MTF2: variants seen among roughly 807,000 people sequenced by gnomAD.
MTF2 encodes the protein metal-response element-binding transcription factor 2.
In MTF2, 11 loss-of-function variants were observed where a neutral mutation model predicts 79.5. The ratio of observed to expected loss-of-function variants is 0.14; its 90% CI spans 0.09 to 0.23. The LOEUF (loss-of-function observed/expected upper bound fraction) is 0.23, where lower values mean the gene tolerates loss of function less well. Among genes scored for constraint, MTF2 ranks in the 10% least tolerant of loss-of-function variants. The pLI, the probability that MTF2 is intolerant of heterozygous loss-of-function variation, is 1.00. For missense variants in MTF2, 486 were observed against 711.2 expected, an observed-to-expected ratio of 0.68 and a Z score of 3.60; for synonymous variants, 208 against 232.8, an observed-to-expected ratio of 0.89 and a Z score of 0.97.
Position 93,119,327 on chromosome 1 carries a change from T to C in MTF2, c.729-6T>C, listed in dbSNP as rs79948091. Reference sequence around the variant, plus strand: ...TAAAACTTTTTCTTTTTTTTTTTTTTCTTAGATTTTATACGTTTATATGCT... The same window carrying C: ...TAAAACTTTTTCTTTTTTTTTTTTTCCTTAGATTTTATACGTTTATATGCT... On this transcript the variant is annotated splice_region_variant and splice_polypyrimidine_tract_variant and intron_variant, in intron 7 of 14. Coordinates refer to ENST00000370298, the MANE Select transcript of MTF2 (RefSeq NM_007358.4). 19 of 1,562,778 alleles carry C rather than the reference T, an allele frequency of 1.2e-5. No individual in the cohort carries two copies. The South Asian group carries it at 1.3e-4, about 11-fold the overall frequency.
At chr1:93,100,458 C>T (rs1655483147) in intron 1 of MTF2, among the ~76,000 whole-genome samples, 1 of 152,156 alleles carries the variant, frequency 6.6e-6, no homozygotes, top group Non-Finnish European at 1.5e-5. Context: ...GCACCTGCCA[C>T]CATGCCTGGC....
intron 1 of MTF2, among the ~76,000 whole-genome samples, chr1:93,102,961 C>G (rs185706627): frequency 6.6e-6 from 1 of 151,922 alleles, no homozygotes; most frequent in Non-Finnish European, 1.5e-5. Flanking sequence ...GAAACCCTGT[C>G]TTTGCAAAAA....
At chr1:93,116,177 C>T (rs1335992870) in intron 6 of MTF2, among the ~76,000 whole-genome samples, 5 of 152,148 alleles carry the variant, frequency 3.3e-5, no homozygotes, top group Non-Finnish European at 5.9e-5. Context: ...CCTGTCTCAG[C>T]CTCCGAAGTA....
At position 93,136,683 on chromosome 1, in the gene MTF2, A is replaced by G. The variant is rs1647414539; in HGVS notation, c.1438A>G (p.Arg480Gly). The part of the protein sequence containing the change: ...ISRHYGLSDS[R>G]KRTRTGRSWP... ...TCTGTTACATAGATTATCTGACTCC[A>G]GAAAAAGAACGCGTACAGGAAGATC... The change falls in exon 15 of 15, where the codon AGA becomes GGA. Residue 480 changes from arginine (R) to glycine (G), a missense_variant. Physicochemically the swap from Arg to Gly is moderately radical, Grantham distance 125. Around this residue, in one of 4 missense-constraint regions of MTF2, gnomAD observed 209 missense variants for 206.5 expected, o/e 1.01. Transcript: ENST00000370298. 4 of 1,612,646 alleles carry G rather than the reference A, an allele frequency of 2.5e-6. No homozygotes were observed. In the Admixed American group the frequency reaches 5.0e-5, roughly 20 times the overall value.
In MTF2 at chr1:93,136,984, A is replaced by G. The variant is rs745998380; in HGVS notation, c.1739A>G (p.Lys580Arg). 1.9e-6 allele frequency: 3 copies of G among 1,614,136 alleles called. No homozygotes were observed. Among genetic ancestry groups the G allele is most frequent in the Non-Finnish European group, 2.5e-6 (3 of 1,180,000 alleles). ...GCACGTCGGGTGACACTTGATGGAAAGGTGCAGTATCTTGTGGAATGGGAA... is the reference window on the plus strand; with the variant it reads ...GCACGTCGGGTGACACTTGATGGAAGGGTGCAGTATCTTGTGGAATGGGAA... ...VLARRVTLDG[K>R]VQYLVEWEGA... Residue 580 changes from lysine (K) to arginine (R), a missense_variant, in exon 15 of 15, where the codon AAG (lysine) becomes AGG (arginine). Lys to Arg is a conservative substitution (Grantham distance 26). This residue lies in a region of MTF2 where 25 missense variants were observed against 56.8 expected (regional missense o/e 0.44). Coordinates refer to ENST00000370298, the MANE Select transcript of MTF2 (RefSeq NM_007358.4).
chr1:93,123,204 C>T (rs192164447), intron 9 of MTF2, among the ~76,000 whole-genome samples: 109 of 143,472 alleles, frequency 7.6e-4, no homozygotes, highest in Middle Eastern at 3.8e-3. Context: ...TGAACATCAG[C>T]TCTTTCTTTT....
intron 3 of MTF2, among the ~76,000 whole-genome samples, chr1:93,111,670 G>C (rs1656034345): frequency 6.6e-6 from 1 of 152,020 alleles, no homozygotes; most frequent in African/African-American, 2.4e-5. Flanking sequence ...TATGGTTCCT[G>C]GACTGATAAG....
chr1:93,116,197 A>G (rs1656242441), intron 6 of MTF2, among the ~76,000 whole-genome samples: 1 of 152,024 alleles, frequency 6.6e-6, no homozygotes, highest in Admixed American at 6.6e-5. Flanking sequence ...AGCTAGGACC[A>G]CAGACACGTG....
intron 6 of MTF2, among the ~76,000 whole-genome samples, chr1:93,116,881 G>A (rs1343700420): frequency 1.3e-5 from 2 of 152,098 alleles, no homozygotes; most frequent in African/African-American, 4.8e-5. Context: ...GAGAGGGATG[G>A]GGACTGGCTG....
chr1:93,088,312 G>A (rs979784618), intron 1 of MTF2, among the ~76,000 whole-genome samples: 1 of 151,988 alleles, frequency 6.6e-6, no homozygotes, highest in African/African-American at 2.4e-5. Context: ...GTATATTAGT[G>A]GCCTTGTTGG....
At chr1:93,105,491 T>C (rs2101049128) in intron 1 of MTF2, among the ~76,000 whole-genome samples, 1 of 152,294 alleles carries the variant, frequency 6.6e-6, no homozygotes, top group South Asian at 2.1e-4. Flanking sequence ...TTATAATCTG[T>C]TTTGCAGTTG....
chr1:93,098,676 A>G (rs1451873134), intron 1 of MTF2, among the ~76,000 whole-genome samples: 1 of 152,222 alleles, frequency 6.6e-6, no homozygotes, highest in Non-Finnish European at 1.5e-5. Flanking sequence ...TTAGGAGACA[A>G]ATGTATATAT....
intron 3 of MTF2, among the ~76,000 whole-genome samples, chr1:93,111,757 A>AT (rs2101059149): frequency 6.6e-6 from 1 of 152,258 alleles, no homozygotes; most frequent in East Asian, 1.9e-4. Flanking sequence ...ATTTAAAGGG[A>AT]TAGGAGATCT....
intron 14 of MTF2, among the ~76,000 whole-genome samples, chr1:93,136,263 T>A (rs1647390118): frequency 6.6e-6 from 1 of 152,212 alleles, no homozygotes; most frequent in Admixed American, 6.5e-5. Context: ...TTTAAGGACA[T>A]GGAGCAGTGT....
At chr1:93,125,262 G>T (rs534320883) in intron 9 of MTF2, among the ~76,000 whole-genome samples, 23 of 146,278 alleles carry the variant, frequency 1.6e-4, no homozygotes, top group Non-Finnish European at 3.0e-4. Flanking sequence ...TATACCCTTG[G>T]TTTCTTTTTT....
intron 11 of MTF2, among the ~76,000 whole-genome samples, chr1:93,132,494 G>A (rs534532527): frequency 1.3e-5 from 2 of 152,300 alleles, no homozygotes; most frequent in East Asian, 1.9e-4. Flanking sequence ...TCTGGACCTT[G>A]TGTATAAGTT....
intron 6 of MTF2, among the ~76,000 whole-genome samples, chr1:93,117,140 C>A (rs1363867384): frequency 1.3e-5 from 2 of 152,062 alleles, no homozygotes; most frequent in African/African-American, 4.8e-5. Context: ...CAAGGTATAG[C>A]TCTGTTTGGA....
intron 1 of MTF2, among the ~76,000 whole-genome samples, chr1:93,107,110 A>G (rs1655826801): frequency 6.6e-6 from 1 of 152,262 alleles, no homozygotes; most frequent in Non-Finnish European, 1.5e-5. Flanking sequence ...GTGCCTTAGC[A>G]TGAATCAAGG....
intron 10 of MTF2, chr1:93,129,002 TC>T (rs1269648778): frequency 8.2e-6 from 2 of 242,948 alleles, no homozygotes; most frequent in Non-Finnish European, 1.6e-5. Flanking sequence ...CATTCTTTGT[TC>T]TTCTTTCTTC....
Sources: gnomAD v4.1 joint callset for allele counts (sites outside exome capture counted in the v4.1 genomes callset) on GRCh38, gnomAD v4.1.1 for gene constraint, gnomAD v4.1.1 regional missense constraint, MANE v1.5 for transcripts, NCBI Gene and HGNC (gene_info 2026-07-23, HGNC 2026-07-21) for gene names.